The following UGP2 variants were observed in gnomAD, a reference collection of about 807,000 sequenced individuals.
UGP2 encodes UTP--glucose-1-phosphate uridylyltransferase.
In UGP2, 40 loss-of-function variants were observed where a neutral mutation model predicts 49.0. The ratio of observed to expected loss-of-function variants is 0.82; its 90% CI spans 0.63 to 1.06. The LOEUF (loss-of-function observed/expected upper bound fraction) is 1.06. Ranked by LOEUF, UGP2 falls within the 50% of genes least tolerant of loss-of-function variation. UGP2 has a pLI of 0.00. For synonymous variants in UGP2, 225 were observed against 213.0 expected (o/e 1.06, Z -0.49); for missense variants, 460 against 603.5 (o/e 0.76, Z 2.49).
At chr2:63,848,891 A>G (rs1458294005) in intron 1 of UGP2, among the ~76,000 whole-genome samples, 2 of 152,222 alleles carry the variant, frequency 1.3e-5, no homozygotes, top group African/African-American at 2.4e-5. Flanking sequence ...GTAATTGTCT[A>G]AGACTCAAAT....
At chr2:63,890,869 C>A (rs949544776) in intron 9 of UGP2, among the ~76,000 whole-genome samples, 1 of 152,112 alleles carries the variant, frequency 6.6e-6, no homozygotes, top group Non-Finnish European at 1.5e-5. Flanking sequence ...GCTGTGGCAC[C>A]GGGTCCACTT....
At chr2:63,871,865 A>G (rs1670577471) in intron 3 of UGP2, among the ~76,000 whole-genome samples, 2 of 152,166 alleles carry the variant, frequency 1.3e-5, no homozygotes, top group Non-Finnish European at 2.9e-5. Context: ...AGGGAGAAAT[A>G]TTATCAAAGC....
intron 3 of UGP2, among the ~76,000 whole-genome samples, chr2:63,861,033 T>C (rs2061415676): frequency 6.6e-6 from 1 of 152,128 alleles, no homozygotes; most frequent in Non-Finnish European, 1.5e-5. Flanking sequence ...TTTGAGTTCA[T>C]GTTTTATGAA....
upstream of UGP2, among the ~76,000 whole-genome samples, chr2:63,841,496 C>T (rs1195820153): frequency 1.3e-5 from 2 of 152,260 alleles, no homozygotes; most frequent in South Asian, 4.1e-4. Context: ...TAGCCTTCGG[C>T]CCCTACCGAG....
At chr2:63,854,456 A>G (rs1669248659) in intron 1 of UGP2, among the ~76,000 whole-genome samples, 1 of 152,222 alleles carries the variant, frequency 6.6e-6, no homozygotes, top group African/African-American at 2.4e-5. Context: ...AAATCCAAGA[A>G]AGCTTCTAAC....
At chr2:63,858,736 G>T (rs1669623371) in intron 3 of UGP2, among the ~76,000 whole-genome samples, 1 of 151,904 alleles carries the variant, frequency 6.6e-6, no homozygotes, top group Admixed American at 6.6e-5. Context: ...AGATTTAATA[G>T]TATTTTCTTC....
chr2:63,875,141 C>G (rs188683389), intron 3 of UGP2, among the ~76,000 whole-genome samples: 73 of 152,300 alleles, frequency 4.8e-4, no homozygotes, highest in Non-Finnish European at 9.4e-4. Context: ...GTGACTAGCA[C>G]AGAATTTGGC....
intron 3 of UGP2, among the ~76,000 whole-genome samples, chr2:63,877,866 G>A (rs978722224): frequency 2.0e-4 from 31 of 151,266 alleles, no homozygotes; most frequent in East Asian, 1.7e-3. Flanking sequence ...GGTGGCGGGC[G>A]CCTGTAGTCC....
intron 5 of UGP2, among the ~76,000 whole-genome samples, chr2:63,884,695 T>C (rs1034326930): frequency 6.6e-6 from 1 of 152,084 alleles, no homozygotes; most frequent in African/African-American, 2.4e-5. Context: ...GAGGATTGCT[T>C]GAGCCTAGGA....
chr2:63,869,620 C>G (rs941603391), intron 3 of UGP2, among the ~76,000 whole-genome samples: 2 of 152,150 alleles, frequency 1.3e-5, no homozygotes, highest in Admixed American at 6.5e-5. Context: ...TTCTGGCTCA[C>G]AAATACGTGG....
At chr2:63,882,672 C>G in intron 4 of UGP2, 21 bp downstream of exon 4, 1 of 1,478,502 alleles carries the variant, frequency 6.8e-7, no homozygotes, top group Non-Finnish European at 9.1e-7. Flanking sequence ...TTTAGCCTTT[C>G]TCATGAGATA....
At chr2:63,879,382 C>T (rs1229972172) in intron 3 of UGP2, among the ~76,000 whole-genome samples, 1 of 152,076 alleles carries the variant, frequency 6.6e-6, no homozygotes, top group African/African-American at 2.4e-5. Flanking sequence ...TTATAATAAG[C>T]ATTTATACTT....
intron 3 of UGP2, among the ~76,000 whole-genome samples, chr2:63,871,055 T>C (rs1670515595): frequency 6.6e-6 from 1 of 152,242 alleles, no homozygotes; most frequent in African/African-American, 2.4e-5. Flanking sequence ...AAAATACACA[T>C]AACATAAAAT....
chr2:63,867,897 A>G (rs1035848792), intron 3 of UGP2, among the ~76,000 whole-genome samples: 1 of 152,234 alleles, frequency 6.6e-6, no homozygotes, highest in African/African-American at 2.4e-5. Flanking sequence ...GATACACTTT[A>G]GCTAATTCTT....
intron 3 of UGP2, among the ~76,000 whole-genome samples, chr2:63,879,301 T>TA (rs1671135384): frequency 6.6e-6 from 1 of 152,212 alleles, no homozygotes; most frequent in Non-Finnish European, 1.5e-5. Flanking sequence ...TTTTCCAACT[T>TA]ATTGAATTAT....
In UGP2 at chr2:63,884,005, A is replaced by G. The variant is rs1302590659; in HGVS notation, c.487A>G (p.Asn163Asp). The part of the protein sequence containing the change: ...YNTDVPLVLM[N>D]SFNTDEDTKK... ...TACAGATGTTCCTCTTGTTTTAATG[A>G]ACTCTTTTAACACGGATGAAGATAC... Residue 163 changes from asparagine (N) to aspartate (D), a missense_variant, in exon 5 of 10, where the codon AAC becomes GAC. Around this residue, in one of 2 missense-constraint regions of UGP2, gnomAD observed 317 missense variants for 473.0 expected, o/e 0.67. Coordinates refer to ENST00000337130, the MANE Select transcript of UGP2 (RefSeq NM_006759.4). 2.5e-6 allele frequency: 4 copies of G among 1,612,642 alleles called. No homozygotes were observed. Among genetic ancestry groups the G allele is most frequent in the East Asian group, 2.2e-5 (1 of 44,778 alleles).
rs757974887 is a variant in UGP2 at position 63,857,908 on chromosome 2, G to A, written c.227G>A (p.Gly76Glu). ...GAAAAGGGGCCTTCTGTGGATTGGGGAAAAATCCAGAGACCCCCTGAAGAT... is the reference window on the plus strand; with the variant it reads ...GAAAAGGGGCCTTCTGTGGATTGGGAAAAAATCCAGAGACCCCCTGAAGAT... ...LQEKGPSVDW[G>E]KIQRPPEDSI... The change falls in exon 3 of 10, where the codon GGA becomes GAA. Residue 76 changes from glycine (G) to glutamate (E), a missense_variant. By Grantham distance (98) the Gly-to-Glu change is moderately conservative. Around this residue, in one of 2 missense-constraint regions of UGP2, gnomAD observed 143 missense variants for 130.4 expected, o/e 1.10. Transcript: ENST00000337130. 9 of 1,613,762 alleles carry A rather than the reference G, an allele frequency of 5.6e-6. No homozygotes were observed. Among genetic ancestry groups the A allele is most frequent in the African/African-American group, 5.3e-5 (4 of 74,884 alleles).
At chr2:63,873,555 A>T (rs1278362451) in intron 3 of UGP2, among the ~76,000 whole-genome samples, 5 of 152,102 alleles carry the variant, frequency 3.3e-5, no homozygotes, top group African/African-American at 1.2e-4. Flanking sequence ...TTGGCTCATA[A>T]AGCCTGTAAA....
Position 63,884,257 on chromosome 2 carries a change from T to C in UGP2, c.575+164T>C, listed in dbSNP as rs1671511354. On this transcript the variant is annotated intron_variant, in intron 5 of 9. Transcript: ENST00000337130. ...AGCATTTGTTGATATGTGATTGTTA[T>C]AATCACTCTGGTTCTCTAATTTCCA... The C allele has an allele frequency of 3.6e-5, 30 of 826,104 alleles. No homozygotes were observed. The South Asian group carries it at 4.8e-4, about 13-fold the overall frequency. The allele number at this position is 826,104 out of a possible 1,614,324, so 51.2% of individuals were successfully genotyped here. A position where few individuals can be genotyped will look rare whatever the true frequency, so the allele number is the denominator to read the frequency against.
Sources: gnomAD v4.1 joint callset for allele counts (sites outside exome capture counted in the v4.1 genomes callset) on GRCh38, gnomAD v4.1.1 for gene constraint, gnomAD v4.1.1 regional missense constraint, MANE v1.5 for transcripts, NCBI Gene and HGNC (gene_info 2026-07-23, HGNC 2026-07-21) for gene names.